The following SGCZ variants were observed in gnomAD, a reference collection of about 807,000 sequenced individuals.
The protein encoded by SGCZ is zeta-sarcoglycan.
In SGCZ, 40 loss-of-function variants were observed where a neutral mutation model predicts 41.3. The ratio of observed to expected loss-of-function variants is 0.97; its 90% CI spans 0.75 to 1.26. The LOEUF (loss-of-function observed/expected upper bound fraction) is 1.26, where lower values mean the gene tolerates loss of function less well. SGCZ is among the 50% of genes most tolerant of loss of function. The pLI is 0.00. For synonymous variants in SGCZ, 206 were observed against 137.5 expected (o/e 1.50, Z -3.49); for missense variants, 552 against 369.8 (o/e 1.49, Z -4.04).
At chr8:15,086,878 T>C (rs961819171) in intron 1 of SGCZ, among the ~76,000 whole-genome samples, 1 of 152,134 alleles carries the variant, frequency 6.6e-6, no homozygotes, top group Non-Finnish European at 1.5e-5. Context: ...ACTTCAACTA[T>C]TCTGAATATC....
intron 1 of SGCZ, among the ~76,000 whole-genome samples, chr8:14,665,061 C>T (rs529013563): frequency 2.2e-4 from 33 of 152,288 alleles, no homozygotes; most frequent in African/African-American, 6.3e-4. Context: ...ATATGCACAA[C>T]GTGCAGGTTT....
At chr8:14,324,332 T>C (rs1802022161) in intron 2 of SGCZ, 128 bp from the exon 3 acceptor site, 4 of 693,052 alleles carry the variant, frequency 5.8e-6, no homozygotes, top group South Asian at 3.2e-5. Flanking sequence ...AAATGAGAGA[T>C]TGAATCTACT....
At chr8:14,641,146 T>A (rs1309030528) in intron 1 of SGCZ, among the ~76,000 whole-genome samples, 2 of 151,644 alleles carry the variant, frequency 1.3e-5, no homozygotes, top group African/African-American at 4.8e-5. Flanking sequence ...CCAAAGACTC[T>A]TTCCCCAAAT....
At chr8:14,427,765 C>A (rs1031881475) in intron 2 of SGCZ, among the ~76,000 whole-genome samples, 3 of 152,064 alleles carry the variant, frequency 2.0e-5, no homozygotes, top group Non-Finnish European at 4.4e-5. Context: ...CTGAACCTGG[C>A]CACATGACAG....
chr8:14,593,628 C>T (rs17119866), intron 1 of SGCZ, among the ~76,000 whole-genome samples: 80,332 of 151,012 alleles, frequency 0.53, 21,770 homozygotes, highest in Non-Finnish European at 0.61. Context: ...TATTAGGAAG[C>T]CTTGTATGTG....
chr8:14,403,083 C>T (rs974605747), intron 2 of SGCZ, among the ~76,000 whole-genome samples: 1 of 142,618 alleles, frequency 7.0e-6, no homozygotes, highest in East Asian at 1.9e-4. Context: ...TGATTTGGCT[C>T]TCTGTTTGTC....
intron 1 of SGCZ, among the ~76,000 whole-genome samples, chr8:14,627,667 T>C (rs1806507620): frequency 6.6e-6 from 1 of 152,154 alleles, no homozygotes; most frequent in South Asian, 2.1e-4. Flanking sequence ...TTTTAATTTC[T>C]GAATGATTGT....
chr8:14,791,332 G>C (rs1800944763), intron 1 of SGCZ, among the ~76,000 whole-genome samples: 1 of 151,982 alleles, frequency 6.6e-6, no homozygotes, highest in African/African-American at 2.4e-5. Context: ...CGTTTGCATT[G>C]GATGGCACTA....
At chr8:14,641,915 A>G (rs1006699850) in intron 1 of SGCZ, among the ~76,000 whole-genome samples, 1 of 151,696 alleles carries the variant, frequency 6.6e-6, no homozygotes, top group Non-Finnish European at 1.5e-5. Context: ...AGAGTGACTA[A>G]GATGATGCTG....
chr8:14,945,351 TCA>T (rs1187758081), intron 1 of SGCZ, among the ~76,000 whole-genome samples: 1 of 152,104 alleles, frequency 6.6e-6, no homozygotes, highest in African/African-American at 2.4e-5. Context: ...ATTAATTATC[TCA>T]CACCTTGTGT....
At chr8:14,572,201 A>C (rs1224695875) in intron 1 of SGCZ, among the ~76,000 whole-genome samples, 2 of 152,218 alleles carry the variant, frequency 1.3e-5, no homozygotes, top group Non-Finnish European at 2.9e-5. Context: ...TCTACCAGAT[A>C]GTTAATGCCA....
intron 3 of SGCZ, among the ~76,000 whole-genome samples, chr8:14,286,404 G>C (rs912883834): frequency 2.6e-5 from 4 of 152,122 alleles, no homozygotes; most frequent in African/African-American, 9.7e-5. Flanking sequence ...TGCGTGCAGA[G>C]TATATTTAAA....
intron 7 of SGCZ, among the ~76,000 whole-genome samples, chr8:14,094,011 G>A (rs1285672515): frequency 1.3e-5 from 2 of 151,966 alleles, no homozygotes; most frequent in Non-Finnish European, 2.9e-5. Flanking sequence ...ATTACATGAT[G>A]CCTTTTCTTC....
chr8:14,646,620 G>T (rs1807226789), intron 1 of SGCZ, among the ~76,000 whole-genome samples: 1 of 151,628 alleles, frequency 6.6e-6, no homozygotes, highest in Non-Finnish European at 1.5e-5. Context: ...TTTAAGCTCT[G>T]TGAGAAATTT....
At position 14,848,466 on chromosome 8, in the gene SGCZ, C is replaced by T. The variant is rs147249611; in HGVS notation, c.40-293540G>A. On this transcript the variant is annotated intron_variant, in intron 1 of 7. Coordinates refer to ENST00000382080, the MANE Select transcript of SGCZ (RefSeq NM_139167.4). The stretch of plus-strand genomic sequence containing the variant: ...TCATTTCAATAGACATTATAAAGCT[C>T]TTATAATCAACACACTGTTGTATTA... Among the ~76,000 whole-genome samples, 657 of 152,208 alleles carry T rather than the reference C, an allele frequency of 4.3e-3. 5 individuals carry two copies. The highest frequency in any genetic ancestry group is 0.018 in the South Asian group (87 of 4,824).
chr8:14,190,880 G>T (rs1383811922), intron 4 of SGCZ, among the ~76,000 whole-genome samples: 1 of 152,152 alleles, frequency 6.6e-6, no homozygotes, highest in Non-Finnish European at 1.5e-5. Flanking sequence ...GGGATTACAG[G>T]CATGAGCCAC....
intron 1 of SGCZ, among the ~76,000 whole-genome samples, chr8:14,959,990 G>A (rs899577031): frequency 2.6e-5 from 4 of 152,200 alleles, no homozygotes; most frequent in South Asian, 2.1e-4. Flanking sequence ...TTCAGAGCTC[G>A]TGCTGCCATT....
At chr8:15,069,597 T>C (rs1805277362) in intron 1 of SGCZ, among the ~76,000 whole-genome samples, 1 of 152,218 alleles carries the variant, frequency 6.6e-6, no homozygotes. Flanking sequence ...CCACTTTTAA[T>C]TCACTCTGAC....
intron 1 of SGCZ, among the ~76,000 whole-genome samples, chr8:14,817,408 C>G (rs931074145): frequency 2.0e-5 from 3 of 152,148 alleles, no homozygotes; most frequent in African/African-American, 4.8e-5. Context: ...TGAAGAGTAG[C>G]CAGGGGCTGC....
Sources: allele counts gnomAD v4.1 joint callset (sites outside exome capture counted in the v4.1 genomes callset), GRCh38; gene constraint gnomAD v4.1.1; transcripts MANE v1.5; gene names NCBI Gene and HGNC (gene_info 2026-07-23, HGNC 2026-07-21).